TAB2: variants seen among roughly 807,000 people sequenced by gnomAD.
TAB2 encodes TGF-beta activated kinase 1 (MAP3K7) binding protein 2, also known as TGF-beta-activated kinase 1 and MAP3K7-binding protein 2.
In TAB2, 3 loss-of-function variants were observed where a neutral mutation model predicts 65.0. The ratio of observed to expected loss-of-function variants is 0.05; its 90% confidence interval spans 0.02 to 0.12. The LOEUF (loss-of-function observed/expected upper bound fraction) is 0.12, where lower values mean the gene tolerates loss of function less well. Ranked by LOEUF, TAB2 falls within the 10% of genes least tolerant of loss-of-function variation. The probability of loss-of-function intolerance (pLI) is 1.00; values close to 1 mark genes in which losing one functional copy is unlikely to be tolerated. For missense variants in TAB2, 623 were observed against 840.3 expected (o/e 0.74, Z 3.20); for synonymous variants, 298 against 285.1 (o/e 1.05, Z -0.46).
intron 1 of TAB2, chr6:149,246,423 C>T (rs1777719004): frequency 6.6e-6 from 1 of 152,232 alleles, no homozygotes; most frequent in South Asian, 2.1e-4. Flanking sequence ...GGATAATTTC[C>T]TCCACCTACC....
intron 1 of TAB2, 41 bp from the exon 2 acceptor site, chr6:149,369,855 CAATATTCCTTCTA>C: frequency 1.4e-6 from 1 of 689,924 alleles, no homozygotes; most frequent in Admixed American, 2.4e-5. Context: ...AAATCCACAA[CAATATTCCTTCTA>C]TAATCAGTTC....
chr6:149,358,810 C>G lies in TAB2; in HGVS notation c.-89-11099C>G, dbSNP rs536044067. ...GTATTTTCATTCTGTTTCTCATTTT[C>G]TCTTCCATATATTCCATTGCTTTAT... is the stretch of plus-strand genomic sequence containing the variant. On this transcript the variant is annotated intron_variant, in intron 1 of 6. Coordinates refer to ENST00000637181, the MANE Select transcript of TAB2 (RefSeq NM_001292034.3). Among the ~76,000 whole-genome samples the G allele has an allele frequency of 4.6e-5, 7 of 152,052 alleles. No individual in the cohort carries two copies. The South Asian group carries it at 1.2e-3, about 27-fold the overall frequency.
rs189445839 is a variant in TAB2 at position 149,346,767 on chromosome 6, A to T, written c.-89-23142A>T. ...CCGTGCCCAGCTGGTGATACTTCTT[A>T]TAACTTTCTCTGAATATTAAGGTGC... On this transcript the variant is annotated intron_variant, in intron 1 of 6. Transcript: ENST00000637181. 8.5e-5 allele frequency among the ~76,000 whole-genome samples: 13 copies of T among 152,106 alleles called. No individual in the cohort carries two copies. In the East Asian group the frequency reaches 2.5e-3, roughly 29 times the overall value.
rs377016044 is a variant in TAB2 at position 149,248,428 on chromosome 6, AAAGG to A, written c.-121+29672_-121+29675del. On this transcript the variant is annotated intron_variant, in intron 1 of 1. Transcript: ENST00000606202. ...GACAGAGAGGGAAAGAAAAAGAAAG[AAAGG>A]AAGGAAGGAAGGAAGGAAGAAAAGA... 8.4e-4 allele frequency among the ~76,000 whole-genome samples: 98 copies of A among 117,318 alleles called. 1 individual carries two copies. Among genetic ancestry groups the A allele is most frequent in the African/African-American group, 2.1e-3 (51 of 24,490 alleles). 77.0% of individuals were successfully genotyped at this position (117,318 alleles called of 152,430 possible).
Position 149,317,757 on chromosome 6 carries a change from A to G in TAB2, c.-348A>G. The G allele has an allele frequency of 6.4e-6, 1 of 157,172 alleles. No individual in the cohort carries two copies. Among genetic ancestry groups the G allele is most frequent in the East Asian group, 2.0e-4 (1 of 4,888 alleles). The allele number at this position is 157,172 out of a possible 1,614,324, so 9.7% of individuals were successfully genotyped here. On this transcript the variant is annotated 5_prime_UTR_variant, in exon 1 of 7. Coordinates refer to ENST00000637181, the MANE Select transcript of TAB2 (RefSeq NM_001292034.3). This position sits in a 1 kb window ranked among gnomAD's most constrained non-coding sequence, Gnocchi z 4.7. The stretch of plus-strand genomic sequence containing the variant: ...GCCGCCGGCGGGGCGACCCAGCCCG[A>G]CCCCCTCCCCTCCCCCTCAGCCAGG...
chr6:149,298,402 G>A (rs1583071382), intron 1 of TAB2, among the ~76,000 whole-genome samples: 1 of 152,164 alleles, frequency 6.6e-6, no homozygotes, highest in Non-Finnish European at 1.5e-5. Context: ...GCCAAGGTGG[G>A]CAATGGCTTG....
intron 1 of TAB2, among the ~76,000 whole-genome samples, chr6:149,310,032 T>A (rs1265323686): frequency 1.3e-5 from 2 of 152,124 alleles, no homozygotes; most frequent in Non-Finnish European, 2.9e-5. Context: ...TGTGACTGAG[T>A]TAAGTTTATA....
In TAB2 at chr6:149,397,633, G is replaced by A. The variant is rs771142812; in HGVS notation, c.1633G>A (p.Glu545Lys). Residue 545 changes from glutamate (E) to lysine (K), a missense_variant, in exon 4 of 7, where the codon GAA (glutamate) becomes AAA (lysine). Glu to Lys is a moderately conservative substitution (Grantham distance 56). Transcript: ENST00000637181. ...ALLVHQKARM[E>K]RLQRELEIQK... ...TTTGGTACACCAGAAGGCCAGAATG[G>A]AACGACTTCAAAGAGAACTTGAGAT... is the stretch of plus-strand genomic sequence containing the variant. 2.5e-6 allele frequency: 4 copies of A among 1,614,028 alleles called. No individual in the cohort carries two copies. Among genetic ancestry groups the A allele is most frequent in the Non-Finnish European group, 2.5e-6 (3 of 1,179,982 alleles).
chr6:149,340,710 C>A (rs1780087956), intron 1 of TAB2, among the ~76,000 whole-genome samples: 1 of 151,928 alleles, frequency 6.6e-6, no homozygotes, highest in African/African-American at 2.4e-5. Flanking sequence ...AACTTAAATA[C>A]CCTTTCCCCT....
At chr6:149,402,618 A>G (rs566228409) in intron 6 of TAB2, among the ~76,000 whole-genome samples, 2 of 152,244 alleles carry the variant, frequency 1.3e-5, no homozygotes, top group Non-Finnish European at 2.9e-5. Context: ...GAACACTTCC[A>G]AACTCATTCT....
rs144247284 is a variant in TAB2, at chr6:149,378,248, A to G, written c.333A>G (p.Gln111=). The change falls in exon 3 of 7, where the codon CAA becomes CAG. Residue 111 remains glutamine (Q), a synonymous_variant. Transcript: ENST00000637181. ...RTLTHSISDG[Q]LQGGQSNSEL... ...TAACGCACAGCATTAGTGATGGACA[A>G]CTTCAAGGTGGCCAGTCCAATAGTG... is the stretch of plus-strand genomic sequence containing the variant. The G allele has an allele frequency of 3.2e-5, 51 of 1,614,128 alleles. 2 individuals carry two copies. The African/African-American group carries it at 4.4e-4, about 14-fold the overall frequency.
chr6:149,339,885 G>A (rs182398066), intron 1 of TAB2, among the ~76,000 whole-genome samples: 9 of 152,060 alleles, frequency 5.9e-5, no homozygotes, highest in East Asian at 1.9e-4. Flanking sequence ...CACCATGCCC[G>A]GCCTCAATAA....
rs562714829 is a variant in TAB2 at position 149,302,891 on chromosome 6, G to A, written c.-120-75127G>A. On this transcript the variant is annotated intron_variant, in intron 1 of 1. Coordinates refer to the TAB2 transcript ENST00000606202. ...ACAGCAGGAAGTGAGCAGCAGGTGA[G>A]CCAGTGAAGCTTCATCTGTATTTAC... 5.9e-5 allele frequency among the ~76,000 whole-genome samples: 9 copies of A among 152,340 alleles called. No homozygotes were observed. In the East Asian group the frequency reaches 1.5e-3, roughly 26 times the overall value.
intron 1 of TAB2, among the ~76,000 whole-genome samples, chr6:149,297,218 C>A (rs1269230033): frequency 1.3e-5 from 2 of 152,122 alleles, no homozygotes; most frequent in African/African-American, 4.8e-5. Flanking sequence ...CAAGGCCGTT[C>A]TTCTACACCC....
At chr6:149,227,400 G>T (rs1777303963) in intron 1 of TAB2, among the ~76,000 whole-genome samples, 1 of 152,124 alleles carries the variant, frequency 6.6e-6, no homozygotes, top group Admixed American at 6.5e-5. Flanking sequence ...ACCCCTTGAT[G>T]TCCCAGACAT....
At position 149,407,276 on chromosome 6, in the gene TAB2, T is replaced by C. The variant is rs530944915; in HGVS notation, c.1940-2301T>C. On this transcript the variant is annotated intron_variant, in intron 6 of 6. Coordinates refer to ENST00000637181, the MANE Select transcript of TAB2 (RefSeq NM_001292034.3). ...TCAGACACTGAATGATTTTCCTTAG[T>C]ATAATCTTCCTACCCTTTTTGAAAA... Among the ~76,000 whole-genome samples the C allele has an allele frequency of 6.6e-5, 10 of 152,368 alleles. No individual in the cohort carries two copies. The South Asian group carries it at 2.1e-3, about 32-fold the overall frequency.
intron 1 of TAB2, 121 bp downstream of exon 1, chr6:149,318,136 C>G (rs1016316972): frequency 6.5e-6 from 1 of 153,776 alleles, no homozygotes; most frequent in South Asian, 1.9e-4. Flanking sequence ...GCGGGGCGTT[C>G]GCTTCTAACT....
intron 1 of TAB2, among the ~76,000 whole-genome samples, chr6:149,235,953 T>C (rs1777486530): frequency 6.6e-6 from 1 of 152,108 alleles, no homozygotes; most frequent in Non-Finnish European, 1.5e-5. Context: ...AAAAGAAAAC[T>C]ATGGTCCTCT....
At chr6:149,340,218 A>G (rs1014773541) in intron 1 of TAB2, among the ~76,000 whole-genome samples, 2 of 152,240 alleles carry the variant, frequency 1.3e-5, no homozygotes, top group African/African-American at 2.4e-5. Context: ...CCAGAGGAAC[A>G]AGTGAGAGAA....
Sources: allele counts gnomAD v4.1 joint callset (sites outside exome capture counted in the v4.1 genomes callset), GRCh38; gene constraint gnomAD v4.1.1; non-coding constraint Gnocchi (gnomAD v3.1); transcripts MANE v1.5; gene names NCBI Gene and HGNC (gene_info 2026-07-23, HGNC 2026-07-21).